Variants in DGKB observed in about 807,000 individuals in gnomAD.
DGKB encodes the protein diacylglycerol kinase beta.
Under a neutral mutation model 114.3 loss-of-function variants are expected in DGKB, and 67 were observed. The observed-to-expected ratio is 0.59, with a 90% CI of 0.48 to 0.72. DGKB has a LOEUF of 0.72. DGKB is among the 30% of genes least tolerant of loss of function. The pLI, the probability that DGKB is intolerant of heterozygous loss-of-function variation, is 0.00. For missense variants in DGKB, 907 were observed against 975.2 expected (o/e 0.93, Z 0.93); for synonymous variants, 398 against 323.1 (o/e 1.23, Z -2.49).
chr7:14,569,332 T>A (rs1374105359), intron 20 of DGKB, among the ~76,000 whole-genome samples: 1 of 152,220 alleles, frequency 6.6e-6, no homozygotes, highest in Non-Finnish European at 1.5e-5. Context: ...CAAAGCCACC[T>A]TATTTGTTTA....
intron 17 of DGKB, among the ~76,000 whole-genome samples, chr7:14,587,440 G>A (rs1331439442): frequency 1.3e-5 from 2 of 152,088 alleles, no homozygotes; most frequent in Admixed American, 6.6e-5. Flanking sequence ...TAAAGATGCT[G>A]TGAACACTGT....
chr7:14,178,233 A>T, intron 23 of DGKB, 82 bp from the exon 24 acceptor site: 2 of 1,318,322 alleles, frequency 1.5e-6, no homozygotes, highest in Non-Finnish European at 1.0e-6. Flanking sequence ...TATGGAGATT[A>T]AAAAAAATAA....
chr7:14,916,101 C>G (rs929130148), intron 1 of DGKB, among the ~76,000 whole-genome samples: 1 of 137,430 alleles, frequency 7.3e-6, no homozygotes, highest in African/African-American at 3.1e-5. Flanking sequence ...CATGCATGTA[C>G]CATCTTTGAA....
At chr7:14,193,981 T>C (rs144885560) in intron 23 of DGKB, among the ~76,000 whole-genome samples, 226 of 152,212 alleles carry the variant, frequency 1.5e-3, no homozygotes, top group African/African-American at 5.2e-3. Context: ...GAAATGTAAA[T>C]GAAAACCACA....
chr7:14,426,244 T>G (rs558430916), intron 21 of DGKB, among the ~76,000 whole-genome samples: 2 of 152,300 alleles, frequency 1.3e-5, no homozygotes, highest in East Asian at 3.9e-4. Flanking sequence ...GCTGGCTCAT[T>G]GCACTGAAAA....
In DGKB at chr7:14,379,388, G is replaced by T. The variant is rs140703580; in HGVS notation, c.1836-33997C>A. The stretch of plus-strand genomic sequence containing the variant: ...GAAATCCATCATTAGGCGACTCAAA[G>T]AAATTATGGAGTTTTTTTTTTTTTT... On this transcript the variant is annotated intron_variant, in intron 21 of 25. Transcript: ENST00000402815. 3.7e-3 allele frequency among the ~76,000 whole-genome samples: 552 copies of T among 149,652 alleles called. 3 individuals are homozygous for T. Among genetic ancestry groups the T allele is most frequent in the Middle Eastern group, 0.01 (3 of 288 alleles).
At chr7:14,194,752 A>G (rs1396474123) in intron 23 of DGKB, among the ~76,000 whole-genome samples, 1 of 152,178 alleles carries the variant, frequency 6.6e-6, no homozygotes, top group Non-Finnish European at 1.5e-5. Flanking sequence ...GGATTTGATC[A>G]TCTCTTTTAA....
At chr7:14,810,615 G>C (rs1306699392) in intron 2 of DGKB, among the ~76,000 whole-genome samples, 1 of 150,786 alleles carries the variant, frequency 6.6e-6, no homozygotes, top group Non-Finnish European at 1.5e-5. Context: ...TTTTTCTTGA[G>C]ACAGAGTCTC....
At chr7:14,351,473 T>C (rs892379179) in intron 21 of DGKB, among the ~76,000 whole-genome samples, 1 of 152,196 alleles carries the variant, frequency 6.6e-6, no homozygotes, top group Admixed American at 6.5e-5. Flanking sequence ...GATACATTTG[T>C]AGTTTGTTTT....
chr7:14,278,650 C>T (rs62443668), intron 23 of DGKB, among the ~76,000 whole-genome samples: 5,412 of 152,068 alleles, frequency 0.036, 204 homozygotes, highest in East Asian at 0.13. Flanking sequence ...TTGCATCAAA[C>T]TAAAAATGTT....
chr7:14,814,753 T>C (rs1317859994), intron 2 of DGKB, among the ~76,000 whole-genome samples: 2 of 150,914 alleles, frequency 1.3e-5, no homozygotes, highest in East Asian at 3.9e-4. Flanking sequence ...GATTACTTGC[T>C]TAAGGTGCTT....
At chr7:14,696,755 T>C (rs1824008988) in intron 8 of DGKB, among the ~76,000 whole-genome samples, 1 of 152,202 alleles carries the variant, frequency 6.6e-6, no homozygotes, top group Non-Finnish European at 1.5e-5. Context: ...ATCTACTTTA[T>C]TATTCCACAT....
intron 23 of DGKB, among the ~76,000 whole-genome samples, chr7:14,311,117 G>T (rs1805326077): frequency 6.6e-6 from 1 of 152,130 alleles, no homozygotes; most frequent in Non-Finnish European, 1.5e-5. Flanking sequence ...AACAGAGCAA[G>T]ACCCTATCTC....
At chr7:14,689,212 T>TTTTATTTTA (rs1563917774) in intron 9 of DGKB, among the ~76,000 whole-genome samples, 2 of 130,492 alleles carry the variant, frequency 1.5e-5, no homozygotes, top group East Asian at 4.5e-4. Flanking sequence ...TTTTTTTTTT[T>TTTTATTTTA]TTTTTTTTTT....
intron 14 of DGKB, among the ~76,000 whole-genome samples, chr7:14,625,359 C>A (rs1236146320): frequency 1.3e-5 from 2 of 152,026 alleles, no homozygotes; most frequent in African/African-American, 4.8e-5. Flanking sequence ...ATTGTCTCTC[C>A]TTTTTATATG....
intron 1 of DGKB, among the ~76,000 whole-genome samples, chr7:14,956,456 G>T (rs77911867): frequency 0.031 from 4,756 of 152,046 alleles, 234 homozygotes; most frequent in African/African-American, 0.11. Context: ...ATTTTAGGAA[G>T]CCTTTGTTAA....
chr7:14,185,771 G>A (rs1295919442), intron 23 of DGKB, among the ~76,000 whole-genome samples: 1 of 152,122 alleles, frequency 6.6e-6, no homozygotes, highest in Non-Finnish European at 1.5e-5. Flanking sequence ...TGGGGGAAAG[G>A]ACACCCTTTT....
intron 20 of DGKB, among the ~76,000 whole-genome samples, chr7:14,536,297 A>C (rs927054966): frequency 6.6e-6 from 1 of 152,230 alleles, no homozygotes; most frequent in African/African-American, 2.4e-5. Flanking sequence ...TTCCAAACTC[A>C]TATGAGGTCA....
At chr7:14,686,378 T>G (rs1821684323) in intron 9 of DGKB, among the ~76,000 whole-genome samples, 2 of 152,168 alleles carry the variant, frequency 1.3e-5, no homozygotes, top group Admixed American at 1.3e-4. Flanking sequence ...TTTTCTCCAT[T>G]AACATGTACT....
Sources: gnomAD v4.1 joint callset for allele counts (sites outside exome capture counted in the v4.1 genomes callset) on GRCh38, gnomAD v4.1.1 for gene constraint, MANE v1.5 for transcripts, NCBI Gene and HGNC (gene_info 2026-07-23, HGNC 2026-07-21) for gene names.